Variants in TRPC5 observed in about 807,000 individuals in gnomAD.
TRPC5 encodes short transient receptor potential channel 5.
A neutral mutation model predicts 56.5 loss-of-function variants in TRPC5; 9 were observed. That is an observed-to-expected ratio of 0.16 (90% CI 0.10 to 0.28). The LOEUF is 0.28. Among genes scored for constraint, TRPC5 ranks in the 10% least tolerant of loss-of-function variants. The pLI, the probability that TRPC5 is intolerant of heterozygous loss-of-function variation, is 1.00. For synonymous variants in TRPC5, 282 were observed against 278.5 expected (o/e 1.01, Z -0.13); for missense variants, 469 against 748.9 (o/e 0.63, Z 4.36).
intron 2 of TRPC5, among the ~76,000 whole-genome samples, chrX:111,931,917 G>T (rs1926427784): frequency 8.9e-6 from 1 of 111,902 alleles, no homozygotes; most frequent in African/African-American, 3.3e-5. Flanking sequence ...CTGGCACAAA[G>T]TAAATGCCCA....
chrX:111,930,758 G>A (rs755122989), intron 2 of TRPC5: 6 of 111,437 alleles, frequency 5.4e-5, no homozygotes, highest in African/African-American at 1.6e-4. Flanking sequence ...TTCATGCCCA[G>A]GATCTGCACA....
At chrX:111,806,409 TG>T (rs1390637983) in intron 7 of TRPC5, among the ~76,000 whole-genome samples, 1 of 112,039 alleles carries the variant, frequency 8.9e-6, no homozygotes, top group Non-Finnish European at 1.9e-5. Context: ...ACATGGTTGT[TG>T]GCAGGTTTAG....
intron 1 of TRPC5, among the ~76,000 whole-genome samples, chrX:111,987,597 T>C (rs766352847): frequency 5.4e-5 from 6 of 112,140 alleles, no homozygotes; most frequent in Non-Finnish European, 9.4e-5. Context: ...GTGTTTTTCT[T>C]TCTCTGTCTG....
intron 6 of TRPC5, among the ~76,000 whole-genome samples, chrX:111,841,826 C>T (rs1260221569): frequency 9.1e-6 from 1 of 109,732 alleles, no homozygotes; most frequent in African/African-American, 3.3e-5. Context: ...TTCTCCTGCC[C>T]CAGCCTCCTG....
At chrX:112,063,619 T>C (rs1288543653) in intron 1 of TRPC5, among the ~76,000 whole-genome samples, 1 of 111,999 alleles carries the variant, frequency 8.9e-6, no homozygotes, top group Admixed American at 9.5e-5. Flanking sequence ...GAAGACATTT[T>C]TCCCCCCTTT....
At chrX:111,970,347 A>C (rs1927745386) in intron 1 of TRPC5, among the ~76,000 whole-genome samples, 1 of 112,030 alleles carries the variant, frequency 8.9e-6, no homozygotes, top group Admixed American at 9.5e-5. Flanking sequence ...GTTCTGCCAA[A>C]TAATGATCTT....
At chrX:111,867,571 T>C (rs1002620194) in intron 3 of TRPC5, among the ~76,000 whole-genome samples, 1 of 112,079 alleles carries the variant, frequency 8.9e-6, no homozygotes, top group African/African-American at 3.2e-5. Context: ...TACTTCTATG[T>C]AGAATCAGTG....
At chrX:111,867,505 C>T (rs373191108) in intron 3 of TRPC5, among the ~76,000 whole-genome samples, 22 of 111,682 alleles carry the variant, frequency 2.0e-4, no homozygotes, top group African/African-American at 6.8e-4. Flanking sequence ...TCCTTGAGCT[C>T]ATACCACTTT....
Position 111,938,204 on chromosome X carries a change from G to A in TRPC5, c.378+13839C>T, listed in dbSNP as rs1034939420. ...TTTTTGTACATTGATTTTGTATCCC[G>A]AGACTTTGCTGAAGTTGCCTATCAG... is the stretch of plus-strand genomic sequence containing the variant. On this transcript the variant is annotated intron_variant, in intron 2 of 10. Coordinates refer to ENST00000262839, the MANE Select transcript of TRPC5 (RefSeq NM_012471.3). Among the ~76,000 whole-genome samples, 70 of 93,614 alleles carry A rather than the reference G, an allele frequency of 7.5e-4. 1 individual carries two copies. Among genetic ancestry groups the A allele is most frequent in the African/African-American group, 2.8e-3 (68 of 23,912 alleles). 81.3% of individuals were successfully genotyped at this position (93,614 alleles called of 115,157 possible).
chrX:112,036,805 G>T, intron 1 of TRPC5, among the ~76,000 whole-genome samples: 1 of 111,280 alleles, frequency 9.0e-6, no homozygotes, highest in East Asian at 2.8e-4. Flanking sequence ...GTAAGGCTTG[G>T]CTTGAGAAGA....
At chrX:111,785,318 G>A (rs1945953178) in intron 7 of TRPC5, among the ~76,000 whole-genome samples, 1 of 112,104 alleles carries the variant, frequency 8.9e-6, no homozygotes, top group Non-Finnish European at 1.9e-5. Context: ...GTAGCTGAGG[G>A]ACCTGACTGT....
chrX:111,958,104 C>T (rs954781799), intron 1 of TRPC5, among the ~76,000 whole-genome samples: 2 of 111,779 alleles, frequency 1.8e-5, no homozygotes, highest in Non-Finnish European at 3.8e-5. Flanking sequence ...CTTCTATCTG[C>T]TCTTTAAACC....
At chrX:111,891,817 G>T (rs1924822266) in intron 3 of TRPC5, among the ~76,000 whole-genome samples, 1 of 111,696 alleles carries the variant, frequency 9.0e-6, no homozygotes, top group African/African-American at 3.3e-5. Flanking sequence ...AAGGTACTGG[G>T]ATTACAGGAG....
At chrX:111,779,170 C>T (rs1267908021) in intron 9 of TRPC5, 96 bp from the exon 10 acceptor site, 1 of 533,388 alleles carries the variant, frequency 1.9e-6, no homozygotes, top group Non-Finnish European at 2.8e-6. Context: ...CTTAGACCTT[C>T]TTTGCAGTAG....
At chrX:111,831,753 A>G (rs1188045712) in intron 7 of TRPC5, among the ~76,000 whole-genome samples, 1 of 112,017 alleles carries the variant, frequency 8.9e-6, no homozygotes, top group African/African-American at 3.2e-5. Flanking sequence ...AGGCTTTATC[A>G]CAGACCATTA....
chrX:111,810,262 A>T (rs886802684), intron 7 of TRPC5, among the ~76,000 whole-genome samples: 2 of 110,865 alleles, frequency 1.8e-5, no homozygotes, highest in African/African-American at 6.6e-5. Flanking sequence ...TCTAGCCCAC[A>T]CTCATGGGGA....
intron 3 of TRPC5, among the ~76,000 whole-genome samples, chrX:111,888,370 G>A (rs1048210856): frequency 1.8e-5 from 2 of 109,331 alleles, no homozygotes; most frequent in Admixed American, 9.8e-5. Flanking sequence ...GATCACTGTC[G>A]GTCCTGTTGA....
chrX:111,776,630 C>T lies in TRPC5; in HGVS notation c.2605G>A (p.Asp869Asn). Residue 869 changes from aspartate (D) to asparagine (N), a missense_variant, in exon 11 of 11, where the codon GAT becomes AAT. Around this residue, in one of 3 missense-constraint regions of TRPC5, gnomAD observed 194 missense variants for 221.8 expected, o/e 0.87. Coordinates refer to ENST00000262839, the MANE Select transcript of TRPC5 (RefSeq NM_012471.3). ...ATACAGTGCTGCTGAACAATTCCATCAGAAATTGTGTACATTGGCTCTGAA... is the reference window on the plus strand; with the variant it reads ...ATACAGTGCTGCTGAACAATTCCATTAGAAATTGTGTACATTGGCTCTGAA... ...PSSEPMYTIS[D>N]GIVQQHCMWQ... 1.7e-6 allele frequency: 2 copies of T among 1,211,836 alleles called. No individual in the cohort carries two copies. Among genetic ancestry groups the T allele is most frequent in the Non-Finnish European group, 2.2e-6 (2 of 895,514 alleles).
chrX:111,968,871 T>C (rs1439509677), intron 1 of TRPC5, among the ~76,000 whole-genome samples: 1 of 103,626 alleles, frequency 9.7e-6, no homozygotes, highest in Non-Finnish European at 2.0e-5. Flanking sequence ...ATATACCTAA[T>C]GCTAAATGAT....
Sources: gnomAD v4.1 joint callset for allele counts (sites outside exome capture counted in the v4.1 genomes callset) on GRCh38, gnomAD v4.1.1 for gene constraint, gnomAD v4.1.1 regional missense constraint, MANE v1.5 for transcripts, NCBI Gene and HGNC (gene_info 2026-07-23, HGNC 2026-07-21) for gene names.